Variants in XPNPEP2 observed in about 807,000 individuals in gnomAD.
XPNPEP2 encodes xaa-Pro aminopeptidase 2.
A neutral mutation model predicts 59.8 loss-of-function variants in XPNPEP2; 64 were observed. The observed-to-expected ratio is 1.07, with a 90% CI of 0.87 to 1.32. The LOEUF is 1.32. Among genes scored for constraint, XPNPEP2 ranks in the 40% most tolerant of loss-of-function variants. The pLI is 0.00. For synonymous variants in XPNPEP2, 235 were observed against 210.0 expected (o/e 1.12, Z -1.03); for missense variants, 575 against 546.8 (o/e 1.05, Z -0.51).
intron 14 of XPNPEP2, among the ~76,000 whole-genome samples, chrX:129,758,059 T>C (rs1001827008): frequency 9.0e-6 from 1 of 110,946 alleles, no homozygotes; most frequent in East Asian, 2.9e-4. Flanking sequence ...TCCCTTCTCA[T>C]TGAGGAAGGA....
chrX:129,768,640 G>T lies in XPNPEP2; in HGVS notation c.*155G>T. The stretch of plus-strand genomic sequence containing the variant: ...TCCTTCTCCAAGACCTATGGAGAAG[G>T]TCCCAGGCCCCAGGAACACAGGGCT... On this transcript the variant is annotated 3_prime_UTR_variant, in exon 21 of 21. Coordinates refer to ENST00000371106, the MANE Select transcript of XPNPEP2 (RefSeq NM_003399.6). 2.2e-6 allele frequency: 1 copy of T among 460,512 alleles called. No individual in the cohort carries two copies. The highest frequency in any genetic ancestry group is 6.9e-4 in the Middle Eastern group (1 of 1,449). 38.0% of individuals were successfully genotyped at this position (460,512 alleles called of 1,213,427 possible). A position where few individuals can be genotyped will look rare whatever the true frequency, so the allele number is the denominator to read the frequency against.
At chrX:129,759,420 A>T (rs1395242456) in intron 15 of XPNPEP2, among the ~76,000 whole-genome samples, 180 bp downstream of exon 15, 1 of 112,788 alleles carries the variant, frequency 8.9e-6, no homozygotes, top group East Asian at 2.8e-4. Flanking sequence ...GGGATATTTC[A>T]GGCCACTGAC....
intron 2 of XPNPEP2, among the ~76,000 whole-genome samples, chrX:129,743,103 A>G (rs757992909): frequency 3.4e-4 from 38 of 112,106 alleles, no homozygotes; most frequent in Non-Finnish European, 6.4e-4. Flanking sequence ...AAGCCATGGG[A>G]AAAACGCAGT....
At chrX:129,757,835 GA>G (rs1213920617) in intron 14 of XPNPEP2, among the ~76,000 whole-genome samples, 1 of 84,309 alleles carries the variant, frequency 1.2e-5, no homozygotes, top group Admixed American at 1.4e-4. Flanking sequence ...AAGAAAGAAA[GA>G]AAGAAAGAAA....
In XPNPEP2 at chrX:129,769,288, A is replaced by C. The variant is rs985543977; in HGVS notation, c.*803A>C. 2 of 112,156 alleles carry C rather than the reference A, an allele frequency of 1.8e-5. No homozygotes were observed. The highest frequency in any genetic ancestry group is 6.5e-5 in the African/African-American group (2 of 30,823). 9.2% of individuals were successfully genotyped at this position (112,156 alleles called of 1,213,427 possible). ...GTTTCTCCATTTTACAGACAGGAAA[A>C]CTGAGCTTCAGACAGGGGGTGGGCT... On this transcript the variant is annotated 3_prime_UTR_variant, in exon 21 of 21. Transcript: ENST00000371106.
rs5975145 is a variant in XPNPEP2 at position 129,741,825 on chromosome X, C to T, written c.50-283C>T. Among the ~76,000 whole-genome samples the T allele has an allele frequency of 0.16, 17,702 of 111,659 alleles. 1,271 individuals are homozygous for T. The highest frequency in any genetic ancestry group is 0.45 in the East Asian group (1,577 of 3,500). On this transcript the variant is annotated intron_variant, in intron 1 of 20. Transcript: ENST00000371106. ...CTACTTCACTAAACCCTGAAAAGAC[C>T]CAATTAGATTAGAAGAAAAATTGAT...
Position 129,757,887 on chromosome X carries a change from GAGAGAGAGAA to G in XPNPEP2, c.1368-1289_1368-1280del, listed in dbSNP as rs1472599671. Among the ~76,000 whole-genome samples the G allele has an allele frequency of 7.4e-3, 611 of 82,613 alleles. 4 individuals carry two copies. The highest frequency in any genetic ancestry group is 0.018 in the African/African-American group (327 of 18,081). The allele number at this position is 82,613 out of a possible 115,157, so 71.7% of individuals were successfully genotyped here. On this transcript the variant is annotated intron_variant, in intron 14 of 20. Transcript: ENST00000371106. ...GGAGAGAGAGAAAGAGAGAGAGAGA[GAGAGAGAGAA>G]AGAAAGAAAGAAAGAAAGAAAGAAA...
chrX:129,751,834 T>C lies in XPNPEP2; in HGVS notation c.821+8T>C, dbSNP rs750775028. 8.3e-7 allele frequency: 1 copy of C among 1,202,191 alleles called. No individual in the cohort carries two copies. Among genetic ancestry groups the C allele is most frequent in the African/African-American group, 1.7e-5 (1 of 57,632 alleles). On this transcript the variant is annotated splice_region_variant and intron_variant, in intron 9 of 20. Coordinates refer to ENST00000371106, the MANE Select transcript of XPNPEP2 (RefSeq NM_003399.6). ...CACAGACTCTTCTATTAGGTATGGC[T>C]TTTCCTTAGCTTGCTGTTGTGGACT...
Position 129,747,607 on chromosome X carries a change from A to C in XPNPEP2, c.491A>C (p.Asp164Ala). 8.3e-7 allele frequency: 1 copy of C among 1,210,929 alleles called. No individual in the cohort carries two copies. Among genetic ancestry groups the C allele is most frequent in the East Asian group, 3.0e-5 (1 of 33,851 alleles). Residue 164 changes from aspartate to alanine, a missense_variant and splice_region_variant, in exon 7 of 21, where the codon GAC becomes GCC. Physicochemically the swap from Asp to Ala is moderately radical, Grantham distance 126 (BLOSUM62 -2). Transcript: ENST00000371106. ...AAGTGACTCCTTCTTGTCTCTGCAG[A>C]CACCTGGGAGAGTTATGATCTGGCC... ...VGFDPFLLSI[D>A]TWESYDLALQ...
At chrX:129,745,077 G>C (rs894166544) in intron 3 of XPNPEP2, 126 bp from the exon 4 acceptor site, 1 of 767,381 alleles carries the variant, frequency 1.3e-6, no homozygotes, top group Non-Finnish European at 2.0e-6. Context: ...CACTTGGTGT[G>C]CTTGGGCTTG....
At position 129,754,575 on chromosome X, in the gene XPNPEP2, T is replaced by C. The variant is rs1412553420; in HGVS notation, c.1211T>C (p.Phe404Ser). ...TCGGGGGCAGAGATCGTGGACAAGTTCCGAGGGTGAAGAGCCACGGCCGTC... is the reference window on the plus strand; with the variant it reads ...TCGGGGGCAGAGATCGTGGACAAGTCCCGAGGGTGAAGAGCCACGGCCGTC... Reference protein sequence around the residue: ...EFSGAEIVDKFRGEEQFSSGP... With the variant: ...EFSGAEIVDKSRGEEQFSSGP... The change falls in exon 12 of 21, where the codon TTC (phenylalanine) becomes TCC (serine). Residue 404 changes from phenylalanine to serine, a missense_variant. By Grantham distance (155) the Phe-to-Ser change is radical. Transcript: ENST00000371106. 8.5e-7 allele frequency: 1 copy of C among 1,182,029 alleles called. No homozygotes were observed. The highest frequency in any genetic ancestry group is 1.1e-6 in the Non-Finnish European group (1 of 880,823).
intron 1 of XPNPEP2, among the ~76,000 whole-genome samples, chrX:129,740,711 G>A (rs866753211): frequency 2.9e-5 from 3 of 103,525 alleles, no homozygotes; most frequent in Non-Finnish European, 4.0e-5. Context: ...AGGCCGGGGC[G>A]GGTGGATCAC....
At chrX:129,751,954 G>A (rs1423243174) in intron 9 of XPNPEP2, 128 bp downstream of exon 9, 8 of 815,688 alleles carry the variant, frequency 9.8e-6, no homozygotes, top group Admixed American at 2.6e-5. Context: ...GCTGCAGCAC[G>A]ACCCTTTAGA....
intron 7 of XPNPEP2, among the ~76,000 whole-genome samples, chrX:129,748,714 C>T (rs1351600571): frequency 8.9e-6 from 1 of 111,792 alleles, no homozygotes; most frequent in East Asian, 2.8e-4. Context: ...ATTTGTTATC[C>T]AAGACTGTTA....
intron 15 of XPNPEP2, among the ~76,000 whole-genome samples, chrX:129,759,564 G>A (rs1305334009): frequency 8.9e-6 from 1 of 112,663 alleles, no homozygotes; most frequent in East Asian, 2.8e-4. Flanking sequence ...GGAGGAAAAC[G>A]GCACAAGTGA....
At chrX:129,741,568 C>G (rs774568961) in intron 1 of XPNPEP2, among the ~76,000 whole-genome samples, 1 of 112,147 alleles carries the variant, frequency 8.9e-6, no homozygotes, top group African/African-American at 3.2e-5. Context: ...CTTTCCCCAC[C>G]ATGGCAGACT....
rs1337104603 is a variant in XPNPEP2 at position 129,751,742 on chromosome X, C to T, written c.740-3C>T. On this transcript the variant is annotated splice_polypyrimidine_tract_variant and splice_region_variant and intron_variant, in intron 8 of 20. Transcript: ENST00000371106. ...AAATATTCCTTGTCAATTCTCTTCC[C>T]AGGGCTCTTCAACCTTCGAGCCAGT... 2 of 1,206,516 alleles carry T rather than the reference C, an allele frequency of 1.7e-6. No homozygotes were observed. Among genetic ancestry groups the T allele is most frequent in the Non-Finnish European group, 2.2e-6 (2 of 891,070 alleles).
Position 129,751,241 on chromosome X carries a change from C to T in XPNPEP2, c.740-504C>T, listed in dbSNP as rs373350221. Among the ~76,000 whole-genome samples the T allele has an allele frequency of 4.4e-4, 48 of 109,280 alleles. 1 individual carries two copies. Among genetic ancestry groups the T allele is most frequent in the African/African-American group, 1.6e-3 (47 of 30,020 alleles). The allele number at this position is 109,280 out of a possible 115,157, so 94.9% of individuals were successfully genotyped here. The stretch of plus-strand genomic sequence containing the variant: ...GCTTGCCTCTGGCCGGGTGCGGTGA[C>T]TCACGCCTGTAATCCCAGCACTTTG... On this transcript the variant is annotated intron_variant, in intron 8 of 20. Coordinates refer to ENST00000371106, the MANE Select transcript of XPNPEP2 (RefSeq NM_003399.6).
rs769263690 is a variant in XPNPEP2 at position 129,754,522 on chromosome X, C to T, written c.1158C>T (p.Asn386=). 2.9e-5 allele frequency: 35 copies of T among 1,193,955 alleles called. No individual in the cohort carries two copies. The highest frequency in any genetic ancestry group is 3.4e-5 in the Non-Finnish European group (30 of 888,006). ...VIRYLVWLEK[N]VPKGTVDEFS... ...GGTACTTGGTCTGGCTGGAGAAGAA[C>T]GTGCCCAAAGGCACAGTGGATGAGT... Residue 386 remains asparagine (N), a synonymous_variant, in exon 12 of 21, where the codon AAC becomes AAT. Transcript: ENST00000371106.
Sources: allele counts gnomAD v4.1 joint callset (sites outside exome capture counted in the v4.1 genomes callset), GRCh38; gene constraint gnomAD v4.1.1; transcripts MANE v1.5; gene names NCBI Gene and HGNC (gene_info 2026-07-23, HGNC 2026-07-21).